The following BCAS3 variants were observed in gnomAD, a reference collection of about 807,000 sequenced individuals.
The protein encoded by BCAS3 is BCAS3 microtubule associated cell migration factor.
BCAS3 carries 53 observed loss-of-function variants against 116.1 expected under a neutral mutation model. The observed-to-expected ratio is 0.46, with a 90% CI of 0.37 to 0.57. The LOEUF (loss-of-function observed/expected upper bound fraction) is 0.57. Ranked by LOEUF, BCAS3 falls within the 20% of genes least tolerant of loss-of-function variation. The probability of loss-of-function intolerance (pLI) is 0.00; values close to 1 mark genes in which losing one functional copy is unlikely to be tolerated. For missense variants in BCAS3, 917 were observed against 1,165.4 expected, an observed-to-expected ratio of 0.79 and a Z score of 3.10; for synonymous variants, 391 against 408.2, an observed-to-expected ratio of 0.96 and a Z score of 0.51.
chr17:61,010,434 C>G (rs1330014062), intron 15 of BCAS3, among the ~76,000 whole-genome samples: 1 of 151,438 alleles, frequency 6.6e-6, no homozygotes, highest in African/African-American at 2.4e-5. Context: ...TGTAGATATC[C>G]TTTATCCAAA....
In BCAS3 at chr17:60,718,690, G is replaced by A. The variant is rs113512776; in HGVS notation, c.321+9365G>A. On this transcript the variant is annotated intron_variant, in intron 5 of 23. Coordinates refer to ENST00000407086, the MANE Select transcript of BCAS3 (RefSeq NM_017679.5). Reference sequence around the variant, plus strand: ...TACCATTTCCCTGATGACTAATAATGTGGAGTACTTTTTCATGTTTCTTGG... The same window carrying A: ...TACCATTTCCCTGATGACTAATAATATGGAGTACTTTTTCATGTTTCTTGG... 6.0e-3 allele frequency among the ~76,000 whole-genome samples: 915 copies of A among 152,252 alleles called. 4 individuals carry two copies. Among genetic ancestry groups the A allele is most frequent in the African/African-American group, 0.021 (863 of 41,546 alleles).
rs1007499778 is a variant in BCAS3 at position 61,009,305 on chromosome 17, T to TA, written c.1487-6444dup. 7.2e-5 allele frequency among the ~76,000 whole-genome samples: 11 copies of TA among 152,188 alleles called. No homozygotes were observed. The East Asian group carries it at 1.4e-3, about 19-fold the overall frequency. ...TAATACTATACTTACCTCATATGTC[T>TA]AATGACAACAGAAGGACAGTGCTCT... On this transcript the variant is annotated intron_variant, in intron 15 of 23. Coordinates refer to ENST00000407086, the MANE Select transcript of BCAS3 (RefSeq NM_017679.5).
At position 61,151,219 on chromosome 17, in the gene BCAS3, A is replaced by G. The variant is rs993881436; in HGVS notation, c.2425+66655A>G. ...AGTGCCAATATTACACTCTAAGGCAATGTTCATTGGAGGATTTTCGATCTT... is the reference window on the plus strand; with the variant it reads ...AGTGCCAATATTACACTCTAAGGCAGTGTTCATTGGAGGATTTTCGATCTT... On this transcript the variant is annotated intron_variant, in intron 22 of 23. Transcript: ENST00000407086. This position sits in a 1 kb window ranked among gnomAD's most constrained non-coding sequence, Gnocchi z 4.8. Among the ~76,000 whole-genome samples the G allele has an allele frequency of 1.3e-5, 2 of 152,186 alleles. No homozygotes were observed. The highest frequency in any genetic ancestry group is 2.9e-5 in the Non-Finnish European group (2 of 68,020).
At chr17:60,880,965 GT>G in intron 9 of BCAS3, among the ~76,000 whole-genome samples, 1 of 150,898 alleles carries the variant, frequency 6.6e-6, no homozygotes, top group East Asian at 2.0e-4. Context: ...TTTTTGTTTT[GT>G]TTTGTTTTGT....
At chr17:60,724,805 T>C (rs943955282) in intron 5 of BCAS3, among the ~76,000 whole-genome samples, 27 of 151,958 alleles carry the variant, frequency 1.8e-4, no homozygotes, top group Non-Finnish European at 2.9e-4. Context: ...AAAAACAGCT[T>C]TGTATATGTG....
intron 7 of BCAS3, among the ~76,000 whole-genome samples, chr17:60,830,281 G>A (rs570250543): frequency 7.2e-5 from 11 of 152,248 alleles, no homozygotes; most frequent in African/African-American, 1.9e-4. Flanking sequence ...GAGCCACTGC[G>A]CCCAGCCTGA....
At position 61,141,828 on chromosome 17, in the gene BCAS3, G is replaced by C. The variant is rs969330701; in HGVS notation, c.2425+57264G>C. On this transcript the variant is annotated intron_variant, in intron 22 of 23. Transcript: ENST00000407086. The surrounding 1 kb of genome is among the most constrained non-coding windows in gnomAD (Gnocchi z 4.3). ...AGGCAGGAGAATCGCTTGAACCCAGGAGGCGGAGGTTGCAGTGAGCCGAGA... is the reference window on the plus strand; with the variant it reads ...AGGCAGGAGAATCGCTTGAACCCAGCAGGCGGAGGTTGCAGTGAGCCGAGA... 5.3e-5 allele frequency among the ~76,000 whole-genome samples: 8 copies of C among 151,022 alleles called. No individual in the cohort carries two copies. The highest frequency in any genetic ancestry group is 1.9e-4 in the East Asian group (1 of 5,136).
intron 12 of BCAS3, among the ~76,000 whole-genome samples, chr17:60,921,022 A>T (rs74726755): frequency 6.6e-6 from 1 of 152,194 alleles, no homozygotes; most frequent in Non-Finnish European, 1.5e-5. Context: ...AGACTTCTCA[A>T]CTTAAACAAA....
At position 61,324,311 on chromosome 17, in the gene BCAS3, G is replaced by A. The variant is rs2055554361; in HGVS notation, c.2426-44016G>A. ...CTGAAGCCTAGAGCTAATATGTGAG[G>A]TGATCACACAGAGGATACTAGAACT... On this transcript the variant is annotated intron_variant, in intron 22 of 23. Coordinates refer to ENST00000407086, the MANE Select transcript of BCAS3 (RefSeq NM_017679.5). This position sits in a 1 kb window ranked among gnomAD's most constrained non-coding sequence, Gnocchi z 4.6. Among the ~76,000 whole-genome samples, 1 of 152,168 alleles carries A rather than the reference G, an allele frequency of 6.6e-6. No homozygotes were observed. The highest frequency in any genetic ancestry group is 2.1e-4 in the South Asian group (1 of 4,822).
At position 61,066,601 on chromosome 17, in the gene BCAS3, C is replaced by G. The variant is rs187386761; in HGVS notation, c.2030-8319C>G. Among the ~76,000 whole-genome samples, 209 of 152,182 alleles carry G rather than the reference C, an allele frequency of 1.4e-3. 1 individual carries two copies. The highest frequency in any genetic ancestry group is 4.0e-3 in the African/African-American group (165 of 41,520). On this transcript the variant is annotated intron_variant, in intron 19 of 23. Transcript: ENST00000407086. ...TAATGAGAGTAATTAATTACCTGCTCTAATGTACAGTATATTTAATATGTT... is the reference window on the plus strand; with the variant it reads ...TAATGAGAGTAATTAATTACCTGCTGTAATGTACAGTATATTTAATATGTT...
At chr17:60,854,248 A>G (rs928631526) in intron 7 of BCAS3, among the ~76,000 whole-genome samples, 1 of 152,170 alleles carries the variant, frequency 6.6e-6, no homozygotes, top group South Asian at 2.1e-4. Flanking sequence ...TTATGGCTGC[A>G]TAGTATTCCA....
intron 4 of BCAS3, among the ~76,000 whole-genome samples, chr17:60,702,443 T>C (rs954197270): frequency 2.6e-5 from 4 of 152,100 alleles, no homozygotes; most frequent in Admixed American, 6.6e-5. Flanking sequence ...ATGCTGGAGA[T>C]TCTCCCAAGA....
chr17:61,159,103 G>A (rs1425581584), intron 22 of BCAS3, among the ~76,000 whole-genome samples: 1 of 152,038 alleles, frequency 6.6e-6, no homozygotes, highest in African/African-American at 2.4e-5. Context: ...TCTCAGCTAG[G>A]TTTTTCTTTT....
At chr17:60,943,484 C>T (rs1015183093) in intron 13 of BCAS3, among the ~76,000 whole-genome samples, 4 of 152,044 alleles carry the variant, frequency 2.6e-5, no homozygotes, top group African/African-American at 4.8e-5. Flanking sequence ...AAAATAACCA[C>T]GGTTAAATCA....
At chr17:60,904,519 CTA>C (rs1372332105) in intron 11 of BCAS3, among the ~76,000 whole-genome samples, 1 of 151,998 alleles carries the variant, frequency 6.6e-6, no homozygotes, top group Non-Finnish European at 1.5e-5. Context: ...ACATTTAAGA[CTA>C]TGAAATTATG....
chr17:61,240,475 A>T (rs2047415739), intron 22 of BCAS3, among the ~76,000 whole-genome samples: 2 of 151,900 alleles, frequency 1.3e-5, no homozygotes, highest in African/African-American at 4.8e-5. Context: ...ACATGGTGAA[A>T]CCCCATCTCT....
intron 5 of BCAS3, among the ~76,000 whole-genome samples, chr17:60,739,524 G>A (rs2041317581): frequency 6.6e-6 from 1 of 152,102 alleles, no homozygotes; most frequent in East Asian, 1.9e-4. Flanking sequence ...GGAGGCTGAG[G>A]CAGGAGAATC....
At chr17:60,873,892 C>T (rs1163521247) in intron 8 of BCAS3, among the ~76,000 whole-genome samples, 1 of 151,908 alleles carries the variant, frequency 6.6e-6, no homozygotes, top group Non-Finnish European at 1.5e-5. Context: ...CCTTTTGAGA[C>T]AGGATCTCAC....
chr17:60,806,143 T>A (rs1280770616), intron 6 of BCAS3, among the ~76,000 whole-genome samples: 1 of 152,162 alleles, frequency 6.6e-6, no homozygotes, highest in Non-Finnish European at 1.5e-5. Context: ...CCCAAAGTGC[T>A]GGGATTACAG....
Sources: gnomAD v4.1 joint callset for allele counts (sites outside exome capture counted in the v4.1 genomes callset) on GRCh38, gnomAD v4.1.1 for gene constraint, Gnocchi (gnomAD v3.1) non-coding constraint, MANE v1.5 for transcripts, NCBI Gene and HGNC (gene_info 2026-07-23, HGNC 2026-07-21) for gene names.